ZNF90: variants seen among roughly 807,000 people sequenced by gnomAD.
ZNF90 encodes zinc finger protein HTF9.
A neutral mutation model predicts 12.0 loss-of-function variants in ZNF90; 11 were observed. That is an observed-to-expected ratio of 0.92 (90% CI 0.58 to 1.52). The LOEUF (loss-of-function observed/expected upper bound fraction) is 1.52, where lower values mean the gene tolerates loss of function less well. ZNF90 is among the 40% of genes most tolerant of loss of function. The pLI, the probability that ZNF90 is intolerant of heterozygous loss-of-function variation, is 0.00. For missense variants in ZNF90, 765 were observed against 711.5 expected (o/e 1.08, Z -0.86); for synonymous variants, 232 against 240.1 (o/e 0.97, Z 0.31).
At chr19:20,112,838 A>T (rs2122520861) in intron 3 of ZNF90, among the ~76,000 whole-genome samples, 1 of 151,900 alleles carries the variant, frequency 6.6e-6, no homozygotes, top group Non-Finnish European at 1.5e-5. Flanking sequence ...CTATATTCTA[A>T]GATTTCTTTT....
intron 1 of ZNF90, among the ~76,000 whole-genome samples, 175 bp downstream of exon 1, chr19:20,078,310 A>G (rs1265084287): frequency 6.6e-6 from 1 of 152,154 alleles, no homozygotes; most frequent in African/African-American, 2.4e-5. Flanking sequence ...CAGCGCCGAC[A>G]GCCGGGCCCC....
intron 1 of ZNF90, among the ~76,000 whole-genome samples, chr19:20,085,109 GA>G (rs1329518388): frequency 1.4e-4 from 21 of 152,198 alleles, no homozygotes; most frequent in African/African-American, 5.1e-4. Context: ...AAAATGAAAT[GA>G]AAGGGTCCAG....
chr19:20,099,864 G>C (rs916775432), intron 1 of ZNF90, among the ~76,000 whole-genome samples: 1 of 151,922 alleles, frequency 6.6e-6, no homozygotes, highest in Non-Finnish European at 1.5e-5. Flanking sequence ...AGAGAGAAGG[G>C]GAATTCCTAA....
At chr19:20,088,025 G>A (rs2088873431) in intron 1 of ZNF90, among the ~76,000 whole-genome samples, 5 of 152,124 alleles carry the variant, frequency 3.3e-5, no homozygotes, top group Admixed American at 2.0e-4. Flanking sequence ...TTAAGGTGGG[G>A]CAGGGCATAT....
intron 1 of ZNF90, among the ~76,000 whole-genome samples, chr19:20,089,171 T>G (rs984528662): frequency 3.9e-5 from 6 of 152,164 alleles, no homozygotes; most frequent in Admixed American, 3.3e-4. Flanking sequence ...TAATGGGGAC[T>G]GATGGGGTAA....
chr19:20,090,612 C>T (rs946475312), intron 1 of ZNF90, among the ~76,000 whole-genome samples: 4 of 152,108 alleles, frequency 2.6e-5, no homozygotes, highest in Admixed American at 6.5e-5. Context: ...GATCGTCCAG[C>T]TAGGTTGTCT....
intron 1 of ZNF90, among the ~76,000 whole-genome samples, chr19:20,081,685 C>G (rs766204780): frequency 2.0e-5 from 3 of 152,268 alleles, no homozygotes; most frequent in South Asian, 4.1e-4. Context: ...ACCTGGGCCA[C>G]TATCTGTAGC....
intron 1 of ZNF90, among the ~76,000 whole-genome samples, chr19:20,085,912 A>T (rs1555701982): frequency 6.6e-6 from 1 of 152,058 alleles, no homozygotes; most frequent in African/African-American, 2.4e-5. Context: ...TTAGTCCTTT[A>T]GACAGATTTG....
chr19:20,110,122 T>C (rs1165983483), intron 3 of ZNF90, among the ~76,000 whole-genome samples: 1 of 152,224 alleles, frequency 6.6e-6, no homozygotes, highest in Non-Finnish European at 1.5e-5. Context: ...ATTGTTCTTT[T>C]TAAGGTGGAA....
Position 20,118,452 on chromosome 19 carries a change from C to T in ZNF90, c.898C>T (p.Leu300Phe). 3 of 1,613,028 alleles carry T rather than the reference C, an allele frequency of 1.9e-6. No individual in the cohort carries two copies. Among genetic ancestry groups the T allele is most frequent in the Non-Finnish European group, 2.5e-6 (3 of 1,179,510 alleles). Residue 300 changes from leucine (L) to phenylalanine (F), a missense_variant, in exon 4 of 4, where the codon CTT (leucine) becomes TTT (phenylalanine). Coordinates refer to ENST00000418063, the MANE Select transcript of ZNF90 (RefSeq NM_007138.2). Reference sequence around the variant, plus strand: ...CAGAGCATTTATTTCATCCTCGATCCTTTATGTACATAAGATAAGTCATAC... The same window carrying T: ...CAGAGCATTTATTTCATCCTCGATCTTTTATGTACATAAGATAAGTCATAC... Reference protein sequence around the residue: ...CGRAFISSSILYVHKISHTEE... With the variant: ...CGRAFISSSIFYVHKISHTEE...
At chr19:20,083,003 A>G (rs1555701697) in intron 1 of ZNF90, among the ~76,000 whole-genome samples, 1 of 152,118 alleles carries the variant, frequency 6.6e-6, no homozygotes, top group Non-Finnish European at 1.5e-5. Flanking sequence ...AACACAGCAC[A>G]TTTTCTAACC....
chr19:20,113,868 T>C (rs2089113580), intron 3 of ZNF90, among the ~76,000 whole-genome samples: 1 of 152,194 alleles, frequency 6.6e-6, no homozygotes, highest in African/African-American at 2.4e-5. Context: ...CTTGTGAATC[T>C]ATCTTATTTT....
Position 20,078,142 on chromosome 19 carries a change from G to A in ZNF90, c.3+7G>A, listed in dbSNP as rs191118346. On this transcript the variant is annotated splice_region_variant and intron_variant, in intron 1 of 3. Transcript: ENST00000418063. The stretch of plus-strand genomic sequence containing the variant: ...CCCCGGAAGCCTAGAAATGGTGAGA[G>A]TGCCTTTCCAGCATTCCGAGAGAGG... The A allele has an allele frequency of 6.4e-5, 103 of 1,614,166 alleles. 1 individual carries two copies. The African/African-American group carries it at 1.3e-3, about 20-fold the overall frequency.
intron 3 of ZNF90, among the ~76,000 whole-genome samples, chr19:20,106,763 TA>T (rs1213855245): frequency 2.0e-5 from 3 of 152,292 alleles, no homozygotes; most frequent in Non-Finnish European, 2.9e-5. Context: ...CAGGTTTTCA[TA>T]AATTGGTTTT....
chr19:20,097,347 C>G (rs2088956517), intron 1 of ZNF90, among the ~76,000 whole-genome samples: 1 of 152,204 alleles, frequency 6.6e-6, no homozygotes, highest in South Asian at 2.1e-4. Flanking sequence ...ACTTGTGCAG[C>G]ACAGTGCACG....
Position 20,095,984 on chromosome 19 carries a change from A to G in ZNF90, c.4-8255A>G, listed in dbSNP as rs1320771283. Among the ~76,000 whole-genome samples the G allele has an allele frequency of 3.9e-5, 6 of 152,238 alleles. No individual in the cohort carries two copies. The East Asian group carries it at 7.7e-4, about 20-fold the overall frequency. ...GCATCCCTGCAATGATTAAACACCAAGGGAAGGCTGCCTTCCCAGTCCGTG... is the reference window on the plus strand; with the variant it reads ...GCATCCCTGCAATGATTAAACACCAGGGGAAGGCTGCCTTCCCAGTCCGTG... On this transcript the variant is annotated intron_variant, in intron 1 of 3. Transcript: ENST00000418063.
At chr19:20,109,804 A>G (rs1389856720) in intron 3 of ZNF90, among the ~76,000 whole-genome samples, 1 of 152,030 alleles carries the variant, frequency 6.6e-6, no homozygotes, top group African/African-American at 2.4e-5. Context: ...TTGTGCCTCT[A>G]CACTCCAGCT....
At chr19:20,078,287 C>G (rs961316614) in intron 1 of ZNF90, among the ~76,000 whole-genome samples, 152 bp downstream of exon 1, 2 of 152,168 alleles carry the variant, frequency 1.3e-5, no homozygotes, top group African/African-American at 4.8e-5. Context: ...CCCCTTCAGC[C>G]ATAAGATGGC....
intron 1 of ZNF90, among the ~76,000 whole-genome samples, chr19:20,097,420 C>T (rs1477348710): frequency 2.6e-5 from 4 of 152,202 alleles, no homozygotes; most frequent in African/African-American, 4.8e-5. Flanking sequence ...TAGTCATCTA[C>T]AGTCACTTCT....
Sources: gnomAD v4.1 joint callset for allele counts (sites outside exome capture counted in the v4.1 genomes callset) on GRCh38, gnomAD v4.1.1 for gene constraint, MANE v1.5 for transcripts, NCBI Gene and HGNC (gene_info 2026-07-23, HGNC 2026-07-21) for gene names.